The following RAB8B variants were observed in gnomAD, a reference collection of about 807,000 sequenced individuals.
RAB8B encodes the protein RAB8B, member RAS oncogene family.
A neutral mutation model predicts 32.0 loss-of-function variants in RAB8B; 11 were observed. That is an observed-to-expected ratio of 0.34 (90% confidence interval 0.22 to 0.57). The LOEUF (loss-of-function observed/expected upper bound fraction) is 0.57. RAB8B is among the 20% of genes least tolerant of loss of function. RAB8B has a pLI of 0.86. For synonymous variants in RAB8B, 103 were observed against 89.6 expected (o/e 1.15, Z -0.85); for missense variants, 190 against 258.5 (o/e 0.73, Z 1.82).
chr15:63,241,178 A>G (rs1319566337), intron 1 of RAB8B, among the ~76,000 whole-genome samples: 1 of 152,148 alleles, frequency 6.6e-6, no homozygotes, highest in Non-Finnish European at 1.5e-5. Context: ...CCCCATCTCT[A>G]CTGAAAATAC....
Position 63,254,520 on chromosome 15 carries a change from T to C in RAB8B, c.247-987T>C, listed in dbSNP as rs147333716. Among the ~76,000 whole-genome samples, 85 of 152,088 alleles carry C rather than the reference T, an allele frequency of 5.6e-4. 1 individual carries two copies. Among genetic ancestry groups the C allele is most frequent in the Middle Eastern group, 3.4e-3 (1 of 294 alleles). ...TTTATGTAGTAGATGGACAGGTGAG[T>C]AGTTCTAGCACTTAGTACAGAAGTG... On this transcript the variant is annotated intron_variant, in intron 3 of 7. Transcript: ENST00000321437.
At chr15:63,207,472 A>G (rs907195757) in intron 1 of RAB8B, among the ~76,000 whole-genome samples, 1 of 151,884 alleles carries the variant, frequency 6.6e-6, no homozygotes, top group Non-Finnish European at 1.5e-5. Context: ...ATGAATTGTC[A>G]TATATTTTTT....
At position 63,190,229 on chromosome 15, in the gene RAB8B, CAG is replaced by C. The variant is rs2037544310; in HGVS notation, c.124+486_124+487del. Among the ~76,000 whole-genome samples the C allele has an allele frequency of 4.0e-5, 6 of 151,740 alleles. No homozygotes were observed. The South Asian group carries it at 1.2e-3, about 31-fold the overall frequency. ...GTAAAGGGACAGAGGACACAAGGGACAGAGAGGTGAGAACCAGGCAACTGGAA... is the reference window on the plus strand; with the variant it reads ...GTAAAGGGACAGAGGACACAAGGGACAGAGGTGAGAACCAGGCAACTGGAA... On this transcript the variant is annotated intron_variant, in intron 1 of 7. Coordinates refer to ENST00000321437, the MANE Select transcript of RAB8B (RefSeq NM_016530.3).
intron 1 of RAB8B, chr15:63,222,977 C>G: frequency 2.2e-6 from 1 of 450,100 alleles, no homozygotes; most frequent in South Asian, 1.6e-5. Context: ...ATAGAGTCTA[C>G]AGTAGTGTAC....
rs763254646 is a variant in RAB8B, at chr15:63,264,499, CTG to C, written c.*883_*884del. On this transcript the variant is annotated 3_prime_UTR_variant, in exon 8 of 8. Transcript: ENST00000321437. ...TTTAGGGTTTTAGTGCAGCATCTAACTGTGATTCTGTCAATAAGGATATGTAA... is the reference window on the plus strand; with the variant it reads ...TTTAGGGTTTTAGTGCAGCATCTAACTGATTCTGTCAATAAGGATATGTAA... 3.9e-5 allele frequency: 6 copies of C among 152,306 alleles called. No homozygotes were observed. In the East Asian group the frequency reaches 7.7e-4, roughly 20 times the overall value. 9.4% of individuals were successfully genotyped at this position (152,306 alleles called of 1,614,324 possible).
intron 4 of RAB8B, among the ~76,000 whole-genome samples, chr15:63,255,808 A>G (rs1454331152): frequency 6.6e-6 from 1 of 152,246 alleles, no homozygotes; most frequent in African/African-American, 2.4e-5. Context: ...TGGGCCAGAT[A>G]TGGGAAATAA....
intron 1 of RAB8B, among the ~76,000 whole-genome samples, chr15:63,195,297 A>G (rs1039180613): frequency 2.0e-5 from 3 of 152,250 alleles, no homozygotes; most frequent in Admixed American, 6.5e-5. Flanking sequence ...GATTAAACTC[A>G]TCTCTTCAAT....
chr15:63,239,687 C>T (rs1486542458), intron 1 of RAB8B, among the ~76,000 whole-genome samples: 2 of 152,052 alleles, frequency 1.3e-5, no homozygotes, highest in South Asian at 2.1e-4. Context: ...GGATTACAGG[C>T]GTGAGCCACC....
chr15:63,194,773 G>A (rs2037586972), intron 1 of RAB8B, among the ~76,000 whole-genome samples: 1 of 152,080 alleles, frequency 6.6e-6, no homozygotes, highest in Non-Finnish European at 1.5e-5. Context: ...GTGACCTGCA[G>A]CCTGTTTTTG....
intron 5 of RAB8B, 47 bp downstream of exon 5, chr15:63,256,641 G>T: frequency 7.5e-7 from 1 of 1,328,526 alleles, no homozygotes; most frequent in Non-Finnish European, 1.0e-6. Context: ...CTCACATTAA[G>T]CATTTCTTTT....
In RAB8B at chr15:63,267,550, A is replaced by G. The variant is rs757521616; in HGVS notation, c.*3931A>G. On this transcript the variant is annotated 3_prime_UTR_variant, in exon 8 of 8. Transcript: ENST00000321437. ...AACTCTCTAGTTTTTCCATATAACT[A>G]TCCTACTGTACATGTTTAAACATAT... 5.9e-5 allele frequency: 9 copies of G among 152,140 alleles called. No individual in the cohort carries two copies. Among genetic ancestry groups the G allele is most frequent in the Non-Finnish European group, 1.3e-4 (9 of 68,018 alleles). 9.4% of individuals were successfully genotyped at this position (152,140 alleles called of 1,614,324 possible). A position where few individuals can be genotyped will look rare whatever the true frequency, so the allele number is the denominator to read the frequency against.
intron 1 of RAB8B, among the ~76,000 whole-genome samples, chr15:63,217,116 G>A (rs1017381610): frequency 3.9e-5 from 6 of 151,994 alleles, no homozygotes; most frequent in African/African-American, 1.5e-4. Flanking sequence ...AGAATAATCA[G>A]ATATCTCATT....
At chr15:63,215,067 A>G (rs920763561) in intron 1 of RAB8B, among the ~76,000 whole-genome samples, 2 of 152,118 alleles carry the variant, frequency 1.3e-5, no homozygotes, top group Admixed American at 1.3e-4. Flanking sequence ...ACCAAATACC[A>G]TATTTGTCAA....
At chr15:63,206,985 C>T (rs557693143) in intron 1 of RAB8B, among the ~76,000 whole-genome samples, 1 of 152,314 alleles carries the variant, frequency 6.6e-6, no homozygotes, top group South Asian at 2.1e-4. Flanking sequence ...CCTTGAAACT[C>T]ATTCCTCCTT....
At chr15:63,203,622 A>C (rs2037670812) in intron 1 of RAB8B, among the ~76,000 whole-genome samples, 1 of 152,236 alleles carries the variant, frequency 6.6e-6, no homozygotes, top group South Asian at 2.1e-4. Context: ...GCTAACATTT[A>C]TTGAGTGCTT....
chr15:63,255,996 C>T (rs996543337), intron 4 of RAB8B, among the ~76,000 whole-genome samples: 1 of 152,172 alleles, frequency 6.6e-6, no homozygotes, highest in Non-Finnish European at 1.5e-5. Context: ...ACTTTTTGCC[C>T]TTCTGACATT....
chr15:63,194,783 G>A (rs1408910982), intron 1 of RAB8B, among the ~76,000 whole-genome samples: 1 of 152,074 alleles, frequency 6.6e-6, no homozygotes, highest in Non-Finnish European at 1.5e-5. Context: ...GCCTGTTTTT[G>A]TGTAGCTCAC....
chr15:63,223,351 A>G (rs1453572415), intron 1 of RAB8B, among the ~76,000 whole-genome samples: 1 of 152,056 alleles, frequency 6.6e-6, no homozygotes, highest in African/African-American at 2.4e-5. Context: ...ACCTCAGGTG[A>G]TCCACTTGCC....
At chr15:63,213,940 G>A (rs755254518) in intron 1 of RAB8B, among the ~76,000 whole-genome samples, 3 of 152,070 alleles carry the variant, frequency 2.0e-5, no homozygotes, top group Non-Finnish European at 4.4e-5. Flanking sequence ...AATTAGCTGG[G>A]CGTTGTGGCA....
Sources: allele counts gnomAD v4.1 joint callset (sites outside exome capture counted in the v4.1 genomes callset), GRCh38; gene constraint gnomAD v4.1.1; transcripts MANE v1.5; gene names NCBI Gene and HGNC (gene_info 2026-07-23, HGNC 2026-07-21).